SGCZ: variants seen among roughly 807,000 people sequenced by gnomAD.
SGCZ encodes the protein zeta-sarcoglycan.
SGCZ carries 40 observed loss-of-function variants against 41.3 expected under a neutral mutation model. The ratio of observed to expected loss-of-function variants is 0.97; its 90% CI spans 0.75 to 1.26. The LOEUF (loss-of-function observed/expected upper bound fraction) is 1.26, where lower values mean the gene tolerates loss of function less well. SGCZ is among the 50% of genes most tolerant of loss of function. The probability of loss-of-function intolerance (pLI) is 0.00; values close to 1 mark genes in which losing one functional copy is unlikely to be tolerated. For synonymous variants in SGCZ, 206 were observed against 137.5 expected, an observed-to-expected ratio of 1.50 and a Z score of -3.49; for missense variants, 552 against 369.8, an observed-to-expected ratio of 1.49 and a Z score of -4.04.
At chr8:14,685,723 T>C (rs1297744060) in intron 1 of SGCZ, among the ~76,000 whole-genome samples, 3 of 152,122 alleles carry the variant, frequency 2.0e-5, no homozygotes, top group Admixed American at 6.6e-5. Flanking sequence ...CTAGTTTTTA[T>C]GCAAAGTAAA....
intron 1 of SGCZ, among the ~76,000 whole-genome samples, chr8:14,937,182 G>A (rs879601434): frequency 4.6e-5 from 7 of 151,624 alleles, no homozygotes; most frequent in Non-Finnish European, 8.9e-5. Context: ...GTAAAAATTA[G>A]CAATATTAAA....
At chr8:14,179,344 A>G (rs1484109807) in intron 4 of SGCZ, among the ~76,000 whole-genome samples, 1 of 152,182 alleles carries the variant, frequency 6.6e-6, no homozygotes, top group Non-Finnish European at 1.5e-5. Flanking sequence ...AAGCATCCAC[A>G]CTGTGAATGA....
chr8:14,660,224 C>T (rs978501354), intron 1 of SGCZ, among the ~76,000 whole-genome samples: 10 of 152,102 alleles, frequency 6.6e-5, no homozygotes, highest in African/African-American at 2.4e-4. Context: ...ATTTTAGACA[C>T]TGTTCGGTGT....
intron 3 of SGCZ, among the ~76,000 whole-genome samples, chr8:14,274,636 A>G (rs928604538): frequency 5.3e-5 from 8 of 152,270 alleles, no homozygotes; most frequent in Middle Eastern, 3.4e-3. Flanking sequence ...AGCTTATGGT[A>G]AGTGACGTTC....
At chr8:14,853,262 G>A (rs1349445748) in intron 1 of SGCZ, among the ~76,000 whole-genome samples, 1 of 152,174 alleles carries the variant, frequency 6.6e-6, no homozygotes, top group Non-Finnish European at 1.5e-5. Context: ...AAATGCTCAT[G>A]TGAGGAAACA....
chr8:14,938,786 T>C (rs6530813), intron 1 of SGCZ, among the ~76,000 whole-genome samples: 5,026 of 152,132 alleles, frequency 0.033, 270 homozygotes, highest in African/African-American at 0.11. Flanking sequence ...CACTTATAAG[T>C]AGGAGATAAG....
intron 1 of SGCZ, among the ~76,000 whole-genome samples, chr8:14,813,161 A>G (rs969820152): frequency 6.6e-6 from 1 of 152,224 alleles, no homozygotes; most frequent in Non-Finnish European, 1.5e-5. Context: ...AAAGAGTTCA[A>G]AAACGATGAA....
intron 1 of SGCZ, among the ~76,000 whole-genome samples, chr8:14,661,170 G>C (rs2117483250): frequency 6.6e-6 from 1 of 152,156 alleles, no homozygotes; most frequent in East Asian, 1.9e-4. Context: ...TTATCATTTA[G>C]GTAGTTTGTG....
At chr8:14,492,399 A>T (rs532517438) in intron 2 of SGCZ, among the ~76,000 whole-genome samples, 58 of 152,306 alleles carry the variant, frequency 3.8e-4, no homozygotes, top group Middle Eastern at 6.8e-3. Flanking sequence ...AGTGCTTATT[A>T]TAACACTTAA....
At chr8:14,856,099 T>G (rs1296709668) in intron 1 of SGCZ, among the ~76,000 whole-genome samples, 1 of 152,176 alleles carries the variant, frequency 6.6e-6, no homozygotes, top group Non-Finnish European at 1.5e-5. Flanking sequence ...CATATAATAT[T>G]TAGGTCGAGG....
chr8:15,065,719 A>G (rs1249791244), intron 1 of SGCZ, among the ~76,000 whole-genome samples: 2 of 151,982 alleles, frequency 1.3e-5, no homozygotes, highest in African/African-American at 4.8e-5. Flanking sequence ...GATCACAGGT[A>G]TACACACTCA....
intron 1 of SGCZ, among the ~76,000 whole-genome samples, chr8:15,190,077 G>A (rs940594049): frequency 5.9e-5 from 9 of 151,996 alleles, no homozygotes; most frequent in Admixed American, 5.2e-4. Flanking sequence ...ACCCAATTCT[G>A]CATATGCCAG....
Position 14,794,027 on chromosome 8 carries a change from T to A in SGCZ, c.40-239101A>T, listed in dbSNP as rs570835967. ...ATACTGTACTTTGGAGAATATGATG[T>A]CCTAATAAAGAAGAACTTAAAGATA... is the stretch of plus-strand genomic sequence containing the variant. On this transcript the variant is annotated intron_variant, in intron 1 of 7. Coordinates refer to ENST00000382080, the MANE Select transcript of SGCZ (RefSeq NM_139167.4). Among the ~76,000 whole-genome samples, 227 of 152,254 alleles carry A rather than the reference T, an allele frequency of 1.5e-3. 4 individuals are homozygous for A. The highest frequency in any genetic ancestry group is 3.4e-3 in the Admixed American group (52 of 15,284).
intron 1 of SGCZ, among the ~76,000 whole-genome samples, chr8:14,724,503 T>C (rs1327937009): frequency 6.6e-6 from 1 of 151,792 alleles, no homozygotes; most frequent in Non-Finnish European, 1.5e-5. Context: ...AAAATAGACA[T>C]GAAATTCATA....
intron 1 of SGCZ, among the ~76,000 whole-genome samples, chr8:14,580,873 G>T (rs541654618): frequency 1.3e-5 from 2 of 152,164 alleles, no homozygotes; most frequent in African/African-American, 2.4e-5. Flanking sequence ...AAACATCATG[G>T]TTGATTAGGG....
chr8:14,417,077 A>T (rs1484294502), intron 2 of SGCZ, among the ~76,000 whole-genome samples: 1 of 151,798 alleles, frequency 6.6e-6, no homozygotes, highest in African/African-American at 2.4e-5. Flanking sequence ...CGGGCAAGAC[A>T]TATGAAGGGA....
intron 1 of SGCZ, among the ~76,000 whole-genome samples, chr8:14,626,529 G>C (rs755734397): frequency 1.1e-4 from 17 of 152,050 alleles, no homozygotes; most frequent in South Asian, 2.1e-4. Context: ...CTTGAAAATG[G>C]GGTCATTGCA....
In SGCZ at chr8:14,675,095, C is replaced by G. The variant is rs371523911; in HGVS notation, c.40-120169G>C. Among the ~76,000 whole-genome samples the G allele has an allele frequency of 1.2e-3, 188 of 151,500 alleles. 1 individual carries two copies. The highest frequency in any genetic ancestry group is 4.2e-3 in the African/African-American group (174 of 41,210). On this transcript the variant is annotated intron_variant, in intron 1 of 7. Transcript: ENST00000382080. ...CTGGGACTATAGGCACCCGCCACCA[C>G]GCCTGGCTAATTTTTTTTGTATTTT...
chr8:14,439,118 C>A (rs1800172551), intron 2 of SGCZ, among the ~76,000 whole-genome samples: 2 of 151,916 alleles, frequency 1.3e-5, no homozygotes, highest in African/African-American at 4.8e-5. Context: ...TTCGATTCCC[C>A]TATGGGCTCT....
Sources: gnomAD v4.1 joint callset for allele counts (sites outside exome capture counted in the v4.1 genomes callset) on GRCh38, gnomAD v4.1.1 for gene constraint, MANE v1.5 for transcripts, NCBI Gene and HGNC (gene_info 2026-07-23, HGNC 2026-07-21) for gene names.